Variants in ALK observed in about 807,000 individuals in gnomAD.
ALK encodes the protein ALK receptor tyrosine kinase.
A neutral mutation model predicts 163.1 loss-of-function variants in ALK; 74 were observed. The observed-to-expected ratio is 0.45, with a 90% confidence interval of 0.38 to 0.55. The LOEUF is 0.55. Ranked by LOEUF, ALK falls within the 20% of genes least tolerant of loss-of-function variation. ALK has a pLI of 0.00. For synonymous variants in ALK, 960 were observed against 843.2 expected (o/e 1.14, Z -2.40); for missense variants, 2,063 against 2,105.3 (o/e 0.98, Z 0.39).
At chr2:29,596,902 T>C (rs775878713) in intron 3 of ALK, among the ~76,000 whole-genome samples, 10 of 152,168 alleles carry the variant, frequency 6.6e-5, no homozygotes, top group Non-Finnish European at 1.5e-4. Context: ...CTTAAAGTGG[T>C]CCATGAAGTC....
At chr2:29,769,315 G>C (rs1011586264) in intron 1 of ALK, among the ~76,000 whole-genome samples, 1 of 152,110 alleles carries the variant, frequency 6.6e-6, no homozygotes. Flanking sequence ...GTAGAATGAC[G>C]TGTCTCTTCA....
At chr2:29,683,415 A>AAACAAG (rs1427804348) in intron 3 of ALK, among the ~76,000 whole-genome samples, 2 of 152,084 alleles carry the variant, frequency 1.3e-5, no homozygotes, top group Non-Finnish European at 2.9e-5. Flanking sequence ...ACAAAAACAA[A>AAACAAG]AAAAATGACT....
At position 29,547,619 on chromosome 2, in the gene ALK, C is replaced by T. The variant is rs184740098; in HGVS notation, c.953-15503G>A. ...CTCAAACAAAAACAAAAACAAATTC[C>T]ATAATATGATCTATAAGAAAGGCCA... On this transcript the variant is annotated intron_variant, in intron 3 of 28. Transcript: ENST00000389048. Among the ~76,000 whole-genome samples the T allele has an allele frequency of 3.6e-3, 551 of 152,190 alleles. 3 individuals carry two copies. Among genetic ancestry groups the T allele is most frequent in the African/African-American group, 0.013 (529 of 41,546 alleles).
intron 4 of ALK, among the ~76,000 whole-genome samples, chr2:29,390,325 G>A (rs1191943544): frequency 6.6e-6 from 1 of 152,032 alleles, no homozygotes; most frequent in Non-Finnish European, 1.5e-5. Context: ...GGGTGAGATC[G>A]ACAATGACAA....
chr2:29,437,425 C>T (rs933272638), intron 4 of ALK, among the ~76,000 whole-genome samples: 3 of 152,112 alleles, frequency 2.0e-5, no homozygotes, highest in South Asian at 4.1e-4. Context: ...ATGCAGAATA[C>T]CAAGTTCAGA....
chr2:29,431,555 G>A (rs1395099410), intron 4 of ALK, among the ~76,000 whole-genome samples: 1 of 152,168 alleles, frequency 6.6e-6, no homozygotes, highest in Non-Finnish European at 1.5e-5. Flanking sequence ...AGGCTTCTAT[G>A]CAAACCGCCT....
intron 1 of ALK, among the ~76,000 whole-genome samples, chr2:29,849,463 T>C (rs1341532628): frequency 6.6e-6 from 1 of 152,170 alleles, no homozygotes; most frequent in Non-Finnish European, 1.5e-5. Flanking sequence ...GTGCCTGATG[T>C]TGGCCTAAGT....
intron 3 of ALK, among the ~76,000 whole-genome samples, chr2:29,689,527 G>T (rs904856164): frequency 1.3e-5 from 2 of 152,164 alleles, no homozygotes; most frequent in African/African-American, 4.8e-5. Context: ...GTATGAATCT[G>T]GTCTCCTCTG....
At chr2:29,673,729 C>T (rs1471974088) in intron 3 of ALK, among the ~76,000 whole-genome samples, 3 of 149,596 alleles carry the variant, frequency 2.0e-5, no homozygotes, top group Non-Finnish European at 4.5e-5. Context: ...GCATTGGTAG[C>T]TTGATGGGGA....
chr2:29,742,258 C>T (rs77601732), intron 1 of ALK, among the ~76,000 whole-genome samples: 9,543 of 152,296 alleles, frequency 0.063, 785 homozygotes, highest in African/African-American at 0.19. Flanking sequence ...TGCTGATAAA[C>T]ATCAGCAGGG....
intron 18 of ALK, among the ~76,000 whole-genome samples, chr2:29,226,429 G>A (rs1663994942): frequency 7.4e-6 from 1 of 135,368 alleles, no homozygotes; most frequent in Non-Finnish European, 1.5e-5. Flanking sequence ...AGTGAGCCGA[G>A]ACCACACCAT....
At chr2:29,768,052 G>A (rs372209352) in intron 1 of ALK, among the ~76,000 whole-genome samples, 3 of 152,202 alleles carry the variant, frequency 2.0e-5, no homozygotes, top group South Asian at 4.1e-4. Flanking sequence ...AGCATCCTAG[G>A]AGTTTCAAAT....
At chr2:29,468,287 A>G (rs1573379323) in intron 4 of ALK, among the ~76,000 whole-genome samples, 1 of 152,180 alleles carries the variant, frequency 6.6e-6, no homozygotes, top group African/African-American at 2.4e-5. Flanking sequence ...TCGGCCTCCC[A>G]AAGTGCTGGG....
At chr2:29,434,287 C>T (rs1465176947) in intron 4 of ALK, among the ~76,000 whole-genome samples, 1 of 152,172 alleles carries the variant, frequency 6.6e-6, no homozygotes, top group Non-Finnish European at 1.5e-5. Context: ...TGACCTAATG[C>T]AAATGAGACG....
chr2:29,439,685 A>C (rs1451026903), intron 4 of ALK, among the ~76,000 whole-genome samples: 1 of 6,372 alleles, frequency 1.6e-4, no homozygotes, highest in African/African-American at 2.7e-4. Flanking sequence ...TGTTCTTGTT[A>C]AAAAAAAAAA....
At chr2:29,216,421 C>T (rs947202625) in intron 23 of ALK, among the ~76,000 whole-genome samples, 1 of 152,114 alleles carries the variant, frequency 6.6e-6, no homozygotes, top group Non-Finnish European at 1.5e-5. Context: ...GATGCGAGGG[C>T]CATAGATGTC....
intron 1 of ALK, among the ~76,000 whole-genome samples, chr2:29,730,605 T>A (rs2148317067): frequency 6.6e-6 from 1 of 152,230 alleles, no homozygotes; most frequent in Admixed American, 6.5e-5. Context: ...AAATCCCAAC[T>A]TACACAAGAG....
chr2:29,554,037 A>G (rs1234690132), intron 3 of ALK, among the ~76,000 whole-genome samples: 2 of 152,140 alleles, frequency 1.3e-5, no homozygotes, highest in Non-Finnish European at 2.9e-5. Context: ...AACAATTTGG[A>G]CAATTTTATG....
At chr2:29,261,201 T>C (rs1243529701) in intron 11 of ALK, among the ~76,000 whole-genome samples, 2 of 152,220 alleles carry the variant, frequency 1.3e-5, no homozygotes, top group Non-Finnish European at 2.9e-5. Flanking sequence ...GTTTCTTTCC[T>C]GTCTTATATC....
Sources: allele counts gnomAD v4.1 joint callset (sites outside exome capture counted in the v4.1 genomes callset), GRCh38; gene constraint gnomAD v4.1.1; transcripts MANE v1.5; gene names NCBI Gene and HGNC (gene_info 2026-07-23, HGNC 2026-07-21).